Variants in CYP19A1 observed in about 807,000 individuals in gnomAD.
The protein encoded by CYP19A1 is aromatase.
CYP19A1 carries 32 observed loss-of-function variants against 44.4 expected under a neutral mutation model. That is an observed-to-expected ratio of 0.72 (90% CI 0.54 to 0.97). The LOEUF (loss-of-function observed/expected upper bound fraction) is 0.97, where lower values mean the gene tolerates loss of function less well. Among genes scored for constraint, CYP19A1 ranks in the 50% least tolerant of loss-of-function variants. The pLI is 0.00. For synonymous variants in CYP19A1, 212 were observed against 215.6 expected (o/e 0.98, Z 0.14); for missense variants, 598 against 637.8 (o/e 0.94, Z 0.67).
chr15:51,330,172 A>C (rs2036677372), intron 1 of CYP19A1, among the ~76,000 whole-genome samples: 2 of 152,112 alleles, frequency 1.3e-5, no homozygotes, highest in East Asian at 3.9e-4. Flanking sequence ...GCAGAGAGAG[A>C]GTAGGCAGGG....
chr15:51,297,346 C>T (rs1038815691), intron 1 of CYP19A1, among the ~76,000 whole-genome samples: 2 of 152,210 alleles, frequency 1.3e-5, no homozygotes, highest in African/African-American at 2.4e-5. Context: ...AGATGAGCCT[C>T]AAGCCAAACG....
chr15:51,313,516 G>C (rs2036357749), intron 1 of CYP19A1, among the ~76,000 whole-genome samples: 1 of 152,170 alleles, frequency 6.6e-6, no homozygotes, highest in Admixed American at 6.5e-5. Flanking sequence ...AAAACTTAAG[G>C]CCAGGCACAG....
intron 4 of CYP19A1, among the ~76,000 whole-genome samples, chr15:51,227,019 C>T (rs2032639654): frequency 6.6e-6 from 1 of 152,146 alleles, no homozygotes; most frequent in South Asian, 2.1e-4. Context: ...TCAGCAAACA[C>T]ATTGTTTGGC....
At chr15:51,242,358 A>G in intron 2 of CYP19A1, 1 of 280,304 alleles carries the variant, frequency 3.6e-6, no homozygotes, top group Non-Finnish European at 6.9e-6. Flanking sequence ...GGCGGAAACA[A>G]AGTGAAAGGG....
intron 7 of CYP19A1, 96 bp from the exon 8 acceptor site, chr15:51,215,328 A>G: frequency 6.4e-7 from 1 of 1,557,172 alleles, no homozygotes; most frequent in African/African-American, 1.4e-5. Context: ...CCTCAACAAA[A>G]TGAAATCATA....
chr15:51,223,550 T>C (rs2032295167), intron 4 of CYP19A1, among the ~76,000 whole-genome samples: 1 of 146,336 alleles, frequency 6.8e-6, no homozygotes, highest in South Asian at 2.2e-4. Context: ...AGAAGAAGAC[T>C]ATCCTCTCTC....
At position 51,333,933 on chromosome 15, in the gene CYP19A1, C is replaced by T. The variant is rs76503506; in HGVS notation, c.-39+4562G>A. On this transcript the variant is annotated intron_variant, in intron 1 of 9. Transcript: ENST00000396402. Reference sequence around the variant, plus strand: ...CCCAAATTCACTTTTTTTTTAGGACCTATATGCACCTATTCACTGCAGAGA... The same window carrying T: ...CCCAAATTCACTTTTTTTTTAGGACTTATATGCACCTATTCACTGCAGAGA... 7.9e-5 allele frequency among the ~76,000 whole-genome samples: 12 copies of T among 152,246 alleles called. No individual in the cohort carries two copies. In the East Asian group the frequency reaches 2.3e-3, roughly 29 times the overall value.
chr15:51,298,370 A>G (rs964013122), intron 1 of CYP19A1, among the ~76,000 whole-genome samples: 5 of 152,254 alleles, frequency 3.3e-5, no homozygotes, highest in Admixed American at 6.5e-5. Context: ...CCATGCTAAG[A>G]AAAATAAAGT....
At chr15:51,306,423 A>T (rs1188081339) in intron 1 of CYP19A1, among the ~76,000 whole-genome samples, 1 of 152,024 alleles carries the variant, frequency 6.6e-6, no homozygotes, top group Non-Finnish European at 1.5e-5. Flanking sequence ...TTTTTCTAAA[A>T]ACTAGTGAAT....
At chr15:51,276,184 T>C (rs185683767) in intron 1 of CYP19A1, among the ~76,000 whole-genome samples, 1 of 152,364 alleles carries the variant, frequency 6.6e-6, no homozygotes, top group East Asian at 1.9e-4. Flanking sequence ...GCAGAATGAT[T>C]TGGCTTAGTC....
At chr15:51,324,631 G>A (rs972875860) in intron 1 of CYP19A1, among the ~76,000 whole-genome samples, 6 of 152,200 alleles carry the variant, frequency 3.9e-5, no homozygotes, top group African/African-American at 1.4e-4. Flanking sequence ...AAAATAAAAG[G>A]CAACTTTAAA....
Position 51,210,793 on chromosome 15 carries a change from A to T in CYP19A1, c.*15T>A. 6.7e-7 allele frequency: 1 copy of T among 1,501,848 alleles called. No individual in the cohort carries two copies. The highest frequency in any genetic ancestry group is 9.3e-7 in the Non-Finnish European group (1 of 1,076,974). The allele number at this position is 1,501,848 out of a possible 1,614,324, so 93.0% of individuals were successfully genotyped here. On this transcript the variant is annotated 3_prime_UTR_variant, in exon 10 of 10. Coordinates refer to ENST00000396402, the MANE Select transcript of CYP19A1 (RefSeq NM_000103.4). ...TGATGAGAAATGCTCCAGAGTGGGT[A>T]CTGACCAGCCTTCTCTAGTGTTCCA...
chr15:51,324,282 G>A (rs1179526590), intron 1 of CYP19A1, among the ~76,000 whole-genome samples: 1 of 152,214 alleles, frequency 6.6e-6, no homozygotes, highest in Admixed American at 6.5e-5. Context: ...ATTTTATAAA[G>A]GCATAACTTC....
chr15:51,261,709 C>T (rs998950889), intron 1 of CYP19A1, among the ~76,000 whole-genome samples: 7 of 152,238 alleles, frequency 4.6e-5, no homozygotes, highest in East Asian at 1.9e-4. Context: ...GAGTTACTTT[C>T]GCAGGGTAGT....
chr15:51,308,458 A>G (rs1405338089), intron 1 of CYP19A1, among the ~76,000 whole-genome samples: 1 of 152,066 alleles, frequency 6.6e-6, no homozygotes, highest in Admixed American at 6.5e-5. Flanking sequence ...TAAGCACTTG[A>G]TTGAATTATA....
At chr15:51,267,641 G>C (rs1440950688) in intron 1 of CYP19A1, among the ~76,000 whole-genome samples, 1 of 152,248 alleles carries the variant, frequency 6.6e-6, no homozygotes, top group Non-Finnish European at 1.5e-5. Context: ...ACCGGGGTGA[G>C]ACAAGAGTCC....
chr15:51,260,277 T>A (rs1232172639), intron 1 of CYP19A1, among the ~76,000 whole-genome samples: 1 of 152,184 alleles, frequency 6.6e-6, no homozygotes, highest in African/African-American at 2.4e-5. Flanking sequence ...TGTTGGGAAA[T>A]TTTTGGAAAA....
At position 51,228,840 on chromosome 15, in the gene CYP19A1, TCTC is replaced by T. The variant is rs1434071311; in HGVS notation, c.297-910_297-908del. On this transcript the variant is annotated intron_variant, in intron 3 of 9. Coordinates refer to ENST00000396402, the MANE Select transcript of CYP19A1 (RefSeq NM_000103.4). ...AACTTTGGTCCTCCCTCTCCTCTGG[TCTC>T]CTGAAATTTTGTTTCACAGCTGCAA... is the stretch of plus-strand genomic sequence containing the variant. Among the ~76,000 whole-genome samples, 8 of 152,340 alleles carry T rather than the reference TCTC, an allele frequency of 5.3e-5. No homozygotes were observed. The East Asian group carries it at 1.5e-3, about 29-fold the overall frequency.
chr15:51,217,165 AGCATTCCCATCTGG>A (rs930399613), intron 6 of CYP19A1, among the ~76,000 whole-genome samples: 28 of 152,330 alleles, frequency 1.8e-4, no homozygotes, highest in Non-Finnish European at 4.0e-4. Context: ...GAATGCTCAT[AGCATTCCCATCTGG>A]GCACTAGCCC....
Sources: gnomAD v4.1 joint callset for allele counts (sites outside exome capture counted in the v4.1 genomes callset) on GRCh38, gnomAD v4.1.1 for gene constraint, MANE v1.5 for transcripts, NCBI Gene and HGNC (gene_info 2026-07-23, HGNC 2026-07-21) for gene names.